The following LRMDA variants were observed in gnomAD, a reference collection of about 807,000 sequenced individuals.
LRMDA encodes leucine-rich melanocyte differentiation-associated protein.
LRMDA carries 18 observed loss-of-function variants against 29.8 expected under a neutral mutation model. That is an observed-to-expected ratio of 0.60 (90% CI 0.42 to 0.90). The LOEUF (loss-of-function observed/expected upper bound fraction) is 0.90. LRMDA is among the 40% of genes least tolerant of loss of function. The pLI, the probability that LRMDA is intolerant of heterozygous loss-of-function variation, is 0.00. For synonymous variants in LRMDA, 125 were observed against 109.4 expected, an observed-to-expected ratio of 1.14 and a Z score of -0.89; for missense variants, 273 against 273.9, an observed-to-expected ratio of 1.00 and a Z score of 0.02.
intron 5 of LRMDA, among the ~76,000 whole-genome samples, chr10:76,224,799 C>A (rs1302280706): frequency 6.6e-6 from 1 of 150,662 alleles, no homozygotes; most frequent in Admixed American, 6.6e-5. Flanking sequence ...AATTAACTAA[C>A]CCTTGGGAAG....
intron 2 of LRMDA, among the ~76,000 whole-genome samples, chr10:75,693,884 T>G (rs1318319201): frequency 6.6e-6 from 1 of 152,210 alleles, no homozygotes; most frequent in Non-Finnish European, 1.5e-5. Context: ...AGGAGACCTC[T>G]AATAAAAGGA....
Position 75,450,457 on chromosome 10 carries a change from A to G in LRMDA, c.131+11963A>G, listed in dbSNP as rs922515349. On this transcript the variant is annotated intron_variant, in intron 2 of 6. Transcript: ENST00000611255. The stretch of plus-strand genomic sequence containing the variant: ...ACGGGTAGAACAGGGAAGACCAACA[A>G]AAGAGGTTTAAAAGAAAAAAAAAAT... The G allele has an allele frequency of 8.2e-5, 12 of 145,896 alleles. No homozygotes were observed. The East Asian group carries it at 2.3e-3, about 28-fold the overall frequency. 9.0% of individuals were successfully genotyped at this position (145,896 alleles called of 1,614,324 possible). A position where few individuals can be genotyped will look rare whatever the true frequency, so the allele number is the denominator to read the frequency against.
intron 2 of LRMDA, among the ~76,000 whole-genome samples, chr10:75,966,734 G>A (rs1220770796): frequency 6.6e-6 from 1 of 152,338 alleles, no homozygotes; most frequent in East Asian, 1.9e-4. Context: ...TTAGAAGTTA[G>A]AGATTCTTGA....
At chr10:75,585,361 T>C (rs955353079) in intron 2 of LRMDA, among the ~76,000 whole-genome samples, 1 of 152,246 alleles carries the variant, frequency 6.6e-6, no homozygotes, top group Admixed American at 6.5e-5. Context: ...CAGTGTCCCA[T>C]TGTTTGGATA....
chr10:75,934,308 T>C (rs1464424371), intron 2 of LRMDA, among the ~76,000 whole-genome samples: 1 of 152,188 alleles, frequency 6.6e-6, no homozygotes, highest in African/African-American at 2.4e-5. Context: ...GACACTTTGG[T>C]AAAAGGATGG....
At chr10:75,488,338 G>A (rs984842266) in intron 2 of LRMDA, among the ~76,000 whole-genome samples, 18 of 152,116 alleles carry the variant, frequency 1.2e-4, no homozygotes, top group African/African-American at 4.1e-4. Context: ...AACTGAAAGG[G>A]ACTTCAAAAC....
chr10:76,544,548 T>A (rs1589232012), intron 6 of LRMDA, among the ~76,000 whole-genome samples: 1 of 152,290 alleles, frequency 6.6e-6, no homozygotes, highest in South Asian at 2.1e-4. Flanking sequence ...AAAGCCCTTA[T>A]AACATGCTCT....
At chr10:75,947,138 GACA>G (rs1846489646) in intron 2 of LRMDA, among the ~76,000 whole-genome samples, 1 of 152,178 alleles carries the variant, frequency 6.6e-6, no homozygotes, top group African/African-American at 2.4e-5. Context: ...CCTAAGGGTG[GACA>G]ATTTGCCCCA....
chr10:76,093,042 A>G (rs990732211), intron 5 of LRMDA, among the ~76,000 whole-genome samples: 1 of 151,976 alleles, frequency 6.6e-6, no homozygotes, highest in Non-Finnish European at 1.5e-5. Context: ...AGTTATTGTT[A>G]TTATTATTTT....
intron 4 of LRMDA, among the ~76,000 whole-genome samples, chr10:76,048,208 G>T (rs1260071777): frequency 6.6e-6 from 1 of 151,972 alleles, no homozygotes; most frequent in South Asian, 2.1e-4. Context: ...ATACATATAT[G>T]TCTGTGTCTA....
chr10:75,711,919 AAC>A lies in LRMDA; in HGVS notation c.131+273446_131+273447del, dbSNP rs146819347. On this transcript the variant is annotated intron_variant, in intron 2 of 6. Transcript: ENST00000611255. ...CCTATCTGTTTGATTTTGAAGGTAA[AAC>A]ACACACACACACACACACACGTATA... Among the ~76,000 whole-genome samples, 99 of 149,060 alleles carry A rather than the reference AAC, an allele frequency of 6.6e-4. No homozygotes were observed. The Middle Eastern group carries it at 0.01, about 15-fold the overall frequency.
intron 2 of LRMDA, among the ~76,000 whole-genome samples, chr10:75,839,375 CACAA>C (rs542297965): frequency 1.3e-5 from 2 of 152,228 alleles, no homozygotes; most frequent in Non-Finnish European, 2.9e-5. Context: ...ATTTAATAAG[CACAA>C]ACAAAGTGCA....
chr10:75,707,774 C>T lies in LRMDA; in HGVS notation c.131+269280C>T, dbSNP rs138949136. On this transcript the variant is annotated intron_variant, in intron 2 of 6. Coordinates refer to ENST00000611255, the MANE Select transcript of LRMDA (RefSeq NM_001305581.2). ...GGGTCCTTGTGTCTCTATGGCCCTG[C>T]CCCTTTCCTGCCAGTACTGTGTTTA... Among the ~76,000 whole-genome samples, 1,101 of 152,278 alleles carry T rather than the reference C, an allele frequency of 7.2e-3. 17 individuals carry two copies. Among genetic ancestry groups the T allele is most frequent in the African/African-American group, 0.025 (1,044 of 41,552 alleles).
At chr10:76,257,119 A>C (rs1324222078) in intron 5 of LRMDA, among the ~76,000 whole-genome samples, 2 of 152,188 alleles carry the variant, frequency 1.3e-5, no homozygotes, top group African/African-American at 2.4e-5. Flanking sequence ...TTTATGCATG[A>C]AGATCTCTAA....
At chr10:76,126,523 C>T (rs565241890) in intron 5 of LRMDA, among the ~76,000 whole-genome samples, 1 of 152,176 alleles carries the variant, frequency 6.6e-6, no homozygotes, top group Admixed American at 6.5e-5. Flanking sequence ...AGAGTCCGCT[C>T]CTGCTGGGGT....
chr10:75,847,924 A>G (rs1844668346), intron 2 of LRMDA, among the ~76,000 whole-genome samples: 1 of 152,230 alleles, frequency 6.6e-6, no homozygotes, highest in Non-Finnish European at 1.5e-5. Flanking sequence ...TGTACTGCTA[A>G]GGATATGGAG....
At chr10:75,545,549 A>G (rs1840070202) in intron 2 of LRMDA, among the ~76,000 whole-genome samples, 1 of 152,156 alleles carries the variant, frequency 6.6e-6, no homozygotes, top group African/African-American at 2.4e-5. Flanking sequence ...CTTACACTAG[A>G]CCTTAGTTAA....
chr10:76,160,001 G>A lies in LRMDA; in HGVS notation c.516+101218G>A, dbSNP rs534981637. 6.8e-4 allele frequency among the ~76,000 whole-genome samples: 103 copies of A among 152,068 alleles called. 2 individuals carry two copies. The highest frequency in any genetic ancestry group is 1.9e-4 in the East Asian group (1 of 5,158). On this transcript the variant is annotated intron_variant, in intron 5 of 6. Transcript: ENST00000611255. ...ACCCATGGAATGTACAACACCAAGC[G>A]AACTCTAATGTAAACTATGAGCTTT...
chr10:75,511,273 T>C (rs1845223200), intron 2 of LRMDA, among the ~76,000 whole-genome samples: 1 of 152,074 alleles, frequency 6.6e-6, no homozygotes, highest in South Asian at 2.1e-4. Flanking sequence ...AGGTCAAGGG[T>C]GCGGTGAGCT....
Sources: gnomAD v4.1 joint callset for allele counts (sites outside exome capture counted in the v4.1 genomes callset) on GRCh38, gnomAD v4.1.1 for gene constraint, MANE v1.5 for transcripts, NCBI Gene and HGNC (gene_info 2026-07-23, HGNC 2026-07-21) for gene names.